CACNB2: variants seen among roughly 807,000 people sequenced by gnomAD.
The protein encoded by CACNB2 is calcium voltage-gated channel auxiliary subunit beta 2.
CACNB2 carries 42 observed loss-of-function variants against 73.3 expected under a neutral mutation model. The observed-to-expected ratio is 0.57, with a 90% CI of 0.45 to 0.74. CACNB2 has a LOEUF of 0.74. Among genes scored for constraint, CACNB2 ranks in the 30% least tolerant of loss-of-function variants. The pLI is 0.00. For missense variants in CACNB2, 940 were observed against 853.0 expected, an observed-to-expected ratio of 1.10 and a Z score of -1.27; for synonymous variants, 348 against 310.3, an observed-to-expected ratio of 1.12 and a Z score of -1.28.
intron 2 of CACNB2, among the ~76,000 whole-genome samples, chr10:18,164,602 A>G (rs1314402225): frequency 2.0e-5 from 3 of 151,860 alleles, no homozygotes; most frequent in African/African-American, 7.3e-5. Flanking sequence ...TTAATACAAG[A>G]AGCATGAACA....
intron 3 of CACNB2, among the ~76,000 whole-genome samples, chr10:18,452,451 G>A (rs1004696915): frequency 1.3e-5 from 2 of 152,076 alleles, no homozygotes; most frequent in Non-Finnish European, 2.9e-5. Flanking sequence ...TAGAACCATA[G>A]CACATTTAAA....
intron 3 of CACNB2, among the ~76,000 whole-genome samples, chr10:18,494,694 AT>A (rs1164064866): frequency 0.02 from 3,031 of 147,872 alleles, 86 homozygotes; most frequent in African/African-American, 0.064. Flanking sequence ...CCATGCTACA[AT>A]TTTTTTTTTT....
At chr10:18,491,477 A>G (rs1053398787) in intron 3 of CACNB2, among the ~76,000 whole-genome samples, 1 of 152,144 alleles carries the variant, frequency 6.6e-6, no homozygotes, top group Non-Finnish European at 1.5e-5. Flanking sequence ...AGTCCTAGCT[A>G]CTCATGAGGC....
intron 2 of CACNB2, among the ~76,000 whole-genome samples, chr10:18,389,160 TG>T (rs1385303796): frequency 1.3e-5 from 2 of 152,152 alleles, no homozygotes; most frequent in East Asian, 3.9e-4. Context: ...TTTTTTGAGA[TG>T]GGAGTCTCAC....
At chr10:18,301,023 T>A (rs1351878419) in intron 2 of CACNB2, among the ~76,000 whole-genome samples, 4 of 152,178 alleles carry the variant, frequency 2.6e-5, no homozygotes, top group Non-Finnish European at 4.4e-5. Flanking sequence ...TTAACTTGCA[T>A]GTTACCCAAA....
At chr10:18,442,973 T>G (rs1362329525) in intron 3 of CACNB2, among the ~76,000 whole-genome samples, 1 of 15,872 alleles carries the variant, frequency 6.3e-5, no homozygotes, top group Admixed American at 6.6e-4. Flanking sequence ...TATATATGTG[T>G]ATATATATAT....
At chr10:18,258,748 C>CA (rs1421624512) in intron 2 of CACNB2, among the ~76,000 whole-genome samples, 1 of 150,856 alleles carries the variant, frequency 6.6e-6, no homozygotes, top group Non-Finnish European at 1.5e-5. Flanking sequence ...AACAAGCAAA[C>CA]AAAAAACAAA....
chr10:18,201,613 T>G (rs2034886925), intron 2 of CACNB2, among the ~76,000 whole-genome samples: 1 of 152,182 alleles, frequency 6.6e-6, no homozygotes. Flanking sequence ...TTTTACATAT[T>G]TATAAGGTAC....
At chr10:18,236,068 T>C (rs1268768375) in intron 2 of CACNB2, among the ~76,000 whole-genome samples, 1 of 152,214 alleles carries the variant, frequency 6.6e-6, no homozygotes, top group Non-Finnish European at 1.5e-5. Flanking sequence ...CCATGTTTCC[T>C]GTACAGCCTG....
At chr10:18,385,938 T>TTA (rs1483828007) in intron 2 of CACNB2, among the ~76,000 whole-genome samples, 12 of 152,182 alleles carry the variant, frequency 7.9e-5, no homozygotes, top group Admixed American at 3.9e-4. Context: ...ACAAATATTC[T>TTA]TATATATATA....
intron 3 of CACNB2, among the ~76,000 whole-genome samples, chr10:18,454,238 C>G (rs2047157099): frequency 2.0e-5 from 3 of 152,142 alleles, no homozygotes; most frequent in African/African-American, 7.2e-5. Flanking sequence ...GAGAAAGGGT[C>G]CAACAGAAAA....
chr10:18,539,153 T>C, intron 13 of CACNB2, 77 bp from the exon 14 acceptor site: 1 of 1,585,840 alleles, frequency 6.3e-7, no homozygotes, highest in Non-Finnish European at 8.6e-7. Flanking sequence ...AGGACTCTGC[T>C]TGAATGCACT....
chr10:18,362,678 C>T (rs1476771042), intron 2 of CACNB2, among the ~76,000 whole-genome samples: 2 of 152,132 alleles, frequency 1.3e-5, no homozygotes, highest in Non-Finnish European at 2.9e-5. Context: ...CCGTGGCTCA[C>T]GCCTGTAATT....
At chr10:18,367,286 AATTAT>A (rs1222085308) in intron 2 of CACNB2, among the ~76,000 whole-genome samples, 4 of 152,112 alleles carry the variant, frequency 2.6e-5, no homozygotes, top group African/African-American at 4.8e-5. Flanking sequence ...CACATTTTAT[AATTAT>A]ATTATTTTGT....
intron 2 of CACNB2, among the ~76,000 whole-genome samples, chr10:18,325,302 G>T (rs2040538338): frequency 6.6e-6 from 1 of 152,142 alleles, no homozygotes; most frequent in Non-Finnish European, 1.5e-5. Flanking sequence ...GGATCCTTGT[G>T]CCTCAGCCTC....
At chr10:18,496,185 CAAAAAAAA>C (rs57139534) in intron 3 of CACNB2, among the ~76,000 whole-genome samples, 1 of 84,074 alleles carries the variant, frequency 1.2e-5, no homozygotes, top group East Asian at 3.8e-4. Flanking sequence ...GACTCAGTCT[CAAAAAAAA>C]AAAAAAAAAA....
chr10:18,179,119 A>G (rs1041785366), intron 2 of CACNB2, among the ~76,000 whole-genome samples: 1 of 152,222 alleles, frequency 6.6e-6, no homozygotes, highest in Non-Finnish European at 1.5e-5. Flanking sequence ...CTTTTATTGC[A>G]ATGTAAACTA....
chr10:18,499,061 G>A (rs1244337438), intron 4 of CACNB2, among the ~76,000 whole-genome samples: 2 of 152,122 alleles, frequency 1.3e-5, no homozygotes, highest in Admixed American at 6.5e-5. Context: ...CTGCAAATTG[G>A]AAACTTTCAT....
chr10:18,244,199 G>A (rs1442435225), intron 2 of CACNB2, among the ~76,000 whole-genome samples: 2 of 152,164 alleles, frequency 1.3e-5, no homozygotes, highest in Admixed American at 1.3e-4. Context: ...CATGATAAAA[G>A]AGATTTCAAG....
Sources: gnomAD v4.1 joint callset for allele counts (sites outside exome capture counted in the v4.1 genomes callset) on GRCh38, gnomAD v4.1.1 for gene constraint, MANE v1.5 for transcripts, NCBI Gene and HGNC (gene_info 2026-07-23, HGNC 2026-07-21) for gene names.